Variants in PCDH9 observed in about 807,000 individuals in gnomAD.
The protein encoded by PCDH9 is protocadherin-9.
Under a neutral mutation model 70.6 loss-of-function variants are expected in PCDH9, and 24 were observed. The ratio of observed to expected loss-of-function variants is 0.34; its 90% CI spans 0.25 to 0.48. The LOEUF (loss-of-function observed/expected upper bound fraction) is 0.48. Ranked by LOEUF, PCDH9 falls within the 20% of genes least tolerant of loss-of-function variation. PCDH9 has a pLI of 0.99. For missense variants in PCDH9, 1,281 were observed against 1,503.6 expected (o/e 0.85, Z 2.45); for synonymous variants, 562 against 558.5 (o/e 1.01, Z -0.09).
rs966415646 is a variant in PCDH9 at position 66,602,508 on chromosome 13, C to G, written c.3340+28702G>C. ...TAACAAACAAATTAAAAAAAAACAACAACAGAAAAGTATGATAGAATAAGG... is the reference window on the plus strand; with the variant it reads ...TAACAAACAAATTAAAAAAAAACAAGAACAGAAAAGTATGATAGAATAAGG... On this transcript the variant is annotated intron_variant, in intron 4 of 4. Coordinates refer to ENST00000377865, the MANE Select transcript of PCDH9 (RefSeq NM_203487.3). Among the ~76,000 whole-genome samples, 3 of 144,648 alleles carry G rather than the reference C, an allele frequency of 2.1e-5. No homozygotes were observed. In the Admixed American group the frequency reaches 2.1e-4, roughly 10 times the overall value. The allele number at this position is 144,648 out of a possible 152,430, so 94.9% of individuals were successfully genotyped here.
intron 4 of PCDH9, among the ~76,000 whole-genome samples, chr13:66,380,899 G>T (rs1956837047): frequency 6.6e-6 from 1 of 152,116 alleles, no homozygotes; most frequent in Non-Finnish European, 1.5e-5. Flanking sequence ...TGTAAGATAT[G>T]ATGTAATCTG....
At chr13:66,780,561 G>A (rs1228962274) in intron 3 of PCDH9, among the ~76,000 whole-genome samples, 1 of 152,078 alleles carries the variant, frequency 6.6e-6, no homozygotes, top group Non-Finnish European at 1.5e-5. Context: ...GGGATATTCA[G>A]TCAACAGCAA....
chr13:66,974,429 T>C (rs2083579560), intron 2 of PCDH9, among the ~76,000 whole-genome samples: 3 of 151,920 alleles, frequency 2.0e-5, no homozygotes, highest in African/African-American at 7.2e-5. Context: ...AGCTTTCAAC[T>C]ATAGTCTTGG....
chr13:66,778,431 T>A (rs2079936465), intron 3 of PCDH9, among the ~76,000 whole-genome samples: 1 of 152,190 alleles, frequency 6.6e-6, no homozygotes, highest in Non-Finnish European at 1.5e-5. Flanking sequence ...GAATATTTCT[T>A]CAAGTTGCAT....
At chr13:66,673,084 G>T (rs9571614) in intron 3 of PCDH9, among the ~76,000 whole-genome samples, 48,960 of 151,886 alleles carry the variant, frequency 0.32, 8,717 homozygotes, top group East Asian at 0.55. Context: ...AGGGGCCAGG[G>T]CAAAATGATA....
chr13:66,805,468 G>C (rs938228297), intron 3 of PCDH9, among the ~76,000 whole-genome samples: 1 of 152,100 alleles, frequency 6.6e-6, no homozygotes, highest in Non-Finnish European at 1.5e-5. Flanking sequence ...AAATAAAATT[G>C]CATGTTAATC....
At chr13:66,402,775 G>GA (rs1957210241) in intron 4 of PCDH9, among the ~76,000 whole-genome samples, 1 of 151,980 alleles carries the variant, frequency 6.6e-6, no homozygotes, top group Non-Finnish European at 1.5e-5. Flanking sequence ...TCACGTAATG[G>GA]AAAACAAAAC....
intron 3 of PCDH9, among the ~76,000 whole-genome samples, chr13:66,881,824 A>G (rs1475565100): frequency 6.6e-6 from 1 of 152,202 alleles, no homozygotes; most frequent in Non-Finnish European, 1.5e-5. Context: ...AACAGTGTGT[A>G]TATGGAATTT....
At chr13:66,867,138 G>A (rs2139496344) in intron 3 of PCDH9, among the ~76,000 whole-genome samples, 1 of 151,486 alleles carries the variant, frequency 6.6e-6, no homozygotes, top group South Asian at 2.1e-4. Context: ...AAAGATAAAT[G>A]ATCATTCTCT....
intron 2 of PCDH9, among the ~76,000 whole-genome samples, chr13:67,055,504 G>T (rs767547205): frequency 6.6e-6 from 1 of 152,142 alleles, no homozygotes; most frequent in Non-Finnish European, 1.5e-5. Flanking sequence ...TTCCTGGGCA[G>T]GTGGATTTAT....
At chr13:66,511,111 T>A (rs1391381979) in intron 4 of PCDH9, among the ~76,000 whole-genome samples, 1 of 152,168 alleles carries the variant, frequency 6.6e-6, no homozygotes, top group Non-Finnish European at 1.5e-5. Flanking sequence ...CTCTCAACAT[T>A]CATATCCAAA....
chr13:67,226,182 G>C lies in PCDH9; in HGVS notation c.2259C>G (p.Val753=). The stretch of plus-strand genomic sequence containing the variant: ...TAGGGTACCCCAGGTCACTTATGTT[G>C]ACCACCAAACGATGCAATCCCACAT... ...PTDVGLHRLV[V]NISDLGYPKS... Residue 753 remains valine (V), a synonymous_variant, in exon 2 of 5, where the codon GTC becomes GTG. Coordinates refer to ENST00000377865, the MANE Select transcript of PCDH9 (RefSeq NM_203487.3). The surrounding 1 kb of genome is among the most constrained non-coding windows in gnomAD (Gnocchi z 5.0). 6.2e-7 allele frequency: 1 copy of C among 1,614,086 alleles called. No homozygotes were observed. Among genetic ancestry groups the C allele is most frequent in the Non-Finnish European group, 8.5e-7 (1 of 1,180,002 alleles).
intron 3 of PCDH9, among the ~76,000 whole-genome samples, chr13:66,636,627 A>G (rs929459091): frequency 2.6e-5 from 4 of 152,148 alleles, no homozygotes; most frequent in African/African-American, 4.8e-5. Flanking sequence ...TTATGTATAG[A>G]GAATTCTTTA....
At chr13:67,228,625 C>A in intron 1 of PCDH9, 50 bp from the exon 2 acceptor site, 1 of 444,538 alleles carries the variant, frequency 2.2e-6, no homozygotes, top group Non-Finnish European at 4.0e-6. Context: ...AATAAAAACA[C>A]ACCGTCACAA....
intron 4 of PCDH9, among the ~76,000 whole-genome samples, chr13:66,530,582 C>T (rs1960409519): frequency 1.3e-5 from 2 of 151,952 alleles, no homozygotes; most frequent in Admixed American, 6.6e-5. Flanking sequence ...TAAGTCTAAA[C>T]AAATGCTATT....
At chr13:66,908,498 G>A (rs1389376771) in intron 2 of PCDH9, among the ~76,000 whole-genome samples, 1 of 152,028 alleles carries the variant, frequency 6.6e-6, no homozygotes, top group Admixed American at 6.6e-5. Context: ...CTCAGACACA[G>A]GAACAATCTT....
intron 2 of PCDH9, among the ~76,000 whole-genome samples, chr13:66,960,372 C>T (rs527632551): frequency 6.6e-6 from 1 of 152,204 alleles, no homozygotes; most frequent in East Asian, 1.9e-4. Context: ...TGCTGACTAC[C>T]ATATAAGTTA....
At chr13:66,343,414 C>G (rs756213203) in intron 4 of PCDH9, among the ~76,000 whole-genome samples, 1 of 152,152 alleles carries the variant, frequency 6.6e-6, no homozygotes, top group East Asian at 1.9e-4. Context: ...TTCAAACTGT[C>G]GTCCGACTTT....
At chr13:66,969,218 T>G (rs1359105106) in intron 2 of PCDH9, among the ~76,000 whole-genome samples, 1 of 152,040 alleles carries the variant, frequency 6.6e-6, no homozygotes, top group African/African-American at 2.4e-5. Context: ...GCAACGCACC[T>G]AATTTTCAAC....
Sources: gnomAD v4.1 joint callset for allele counts (sites outside exome capture counted in the v4.1 genomes callset) on GRCh38, gnomAD v4.1.1 for gene constraint, Gnocchi (gnomAD v3.1) non-coding constraint, MANE v1.5 for transcripts, NCBI Gene and HGNC (gene_info 2026-07-23, HGNC 2026-07-21) for gene names.